The following EPHB4 variants were observed in gnomAD, a reference collection of about 807,000 sequenced individuals.
The protein encoded by EPHB4 is EPH receptor B4, also known as ephrin type-B receptor 4.
EPHB4 carries 50 observed loss-of-function variants against 110.6 expected under a neutral mutation model. The observed-to-expected ratio is 0.45, with a 90% CI of 0.36 to 0.57. EPHB4 has a LOEUF of 0.57. Ranked by LOEUF, EPHB4 falls within the 20% of genes least tolerant of loss-of-function variation. The pLI is 0.00. For missense variants in EPHB4, 1,128 were observed against 1,382.1 expected (o/e 0.82, Z 2.91); for synonymous variants, 592 against 578.4 (o/e 1.02, Z -0.34).
intron 1 of EPHB4, among the ~76,000 whole-genome samples, chr7:100,826,297 A>G (rs1813394350): frequency 6.6e-6 from 1 of 151,932 alleles, no homozygotes; most frequent in African/African-American, 2.4e-5. Flanking sequence ...GGGGCTGTGT[A>G]GGTCAGTTTC....
intron 16 of EPHB4, among the ~76,000 whole-genome samples, chr7:100,804,612 G>A (rs2116410838): frequency 6.6e-6 from 1 of 152,262 alleles, no homozygotes; most frequent in South Asian, 2.1e-4. Flanking sequence ...ACCATGCCCG[G>A]CCTTCAGATT....
chr7:100,826,927 G>A, intron 1 of EPHB4, 52 bp downstream of exon 1: 4 of 1,536,354 alleles, frequency 2.6e-6, no homozygotes, highest in Non-Finnish European at 1.8e-6. Flanking sequence ...CAGATGTTGG[G>A]GGGGAGGTCC....
In EPHB4 at chr7:100,822,394, G is replaced by A. The variant is rs1226689308; in HGVS notation, c.685C>T (p.Pro229Ser). The A allele has an allele frequency of 6.3e-7, 1 of 1,576,212 alleles. No homozygotes were observed. The highest frequency in any genetic ancestry group is 8.6e-7 in the Non-Finnish European group (1 of 1,159,632). The change falls in exon 4 of 17, where the codon CCC becomes TCC. Residue 229 changes from proline (P) to serine (S), a missense_variant. Pro to Ser is a moderately conservative substitution (Grantham distance 74, BLOSUM62 -1). Transcript: ENST00000358173. The surrounding 1 kb of genome is among the most constrained non-coding windows in gnomAD (Gnocchi z 4.7). Reference protein sequence around the residue: ...VAGSCVVDAVPAPGPSPSLYC... With the variant: ...VAGSCVVDAVSAPGPSPSLYC... ...AGGCTGGGGCTGGGGCCAGGGGCGG[G>A]GACGGCATCCACCACGCAGCTACCG...
Position 100,807,441 on chromosome 7 carries a change from A to G in EPHB4, c.2258T>C (p.Val753Ala), listed in dbSNP as rs1562967513. The change falls in exon 13 of 17, where the codon GTC (valine) becomes GCC (alanine). Residue 753 changes from valine (V) to alanine (A), a missense_variant. Val to Ala is a moderately conservative substitution (Grantham distance 64). Transcript: ENST00000358173. The part of the protein sequence containing the change: ...ARNILVNSNL[V>A]CKVSDFGLSR... ...AAGGCCAAAGTCAGACACTTTGCAG[A>G]CGAGGTTGCTGTTGACTAGGATGTT... is the stretch of plus-strand genomic sequence containing the variant. The G allele has an allele frequency of 1.2e-6, 2 of 1,613,524 alleles. No homozygotes were observed. Among genetic ancestry groups the G allele is most frequent in the South Asian group, 2.2e-5 (2 of 91,082 alleles).
Position 100,822,128 on chromosome 7 carries a change from C to G in EPHB4, c.808+143G>C. On this transcript the variant is annotated intron_variant, in intron 4 of 16. Transcript: ENST00000358173. This position sits in a 1 kb window ranked among gnomAD's most constrained non-coding sequence, Gnocchi z 4.7. ...TTGCAGTTGAGCAGAGATTGTGCCA[C>G]TGCACTCCAGCCTGGGTGACAGAGC... 8.1e-7 allele frequency: 1 copy of G among 1,233,146 alleles called. No individual in the cohort carries two copies. The highest frequency in any genetic ancestry group is 1.1e-6 in the Non-Finnish European group (1 of 915,786). 76.4% of individuals were successfully genotyped at this position (1,233,146 alleles called of 1,614,324 possible).
intron 12 of EPHB4, 134 bp downstream of exon 12, chr7:100,812,613 A>G (rs1294795690): frequency 3.9e-6 from 5 of 1,275,782 alleles, no homozygotes; most frequent in Admixed American, 5.5e-5. Flanking sequence ...GCAGAGGACC[A>G]GGGCTTAGCC....
rs889890364 is a variant in EPHB4, at chr7:100,822,285, T to C, written c.794A>G (p.Asn265Ser). 14 of 1,562,298 alleles carry C rather than the reference T, an allele frequency of 9.0e-6. No individual in the cohort carries two copies. The African/African-American group carries it at 1.6e-4, about 18-fold the overall frequency. The part of the protein sequence containing the change: ...CAPGFEAAEG[N>S]TKCRACAQGT... ...CCAGCTCTCACCTCGGCACTTGGTG[T>C]TCCCCTCAGCTGCCTCGAACCCCGG... Residue 265 changes from asparagine (N) to serine (S), a missense_variant, in exon 4 of 17, where the codon AAC becomes AGC. Physicochemically the swap from Asn to Ser is conservative, Grantham distance 46 (BLOSUM62 1). This residue lies in a region of EPHB4 where 728 missense variants were observed against 828.6 expected (regional missense o/e 0.88). Transcript: ENST00000358173. This position sits in a 1 kb window ranked among gnomAD's most constrained non-coding sequence, Gnocchi z 4.7.
Position 100,813,662 on chromosome 7 carries a change from G to T in EPHB4, c.1746C>A (p.Leu582=). 1 of 1,614,090 alleles carries T rather than the reference G, an allele frequency of 6.2e-7. No individual in the cohort carries two copies. The highest frequency in any genetic ancestry group is 1.1e-5 in the South Asian group (1 of 91,072). ...AEYSDKHGQY[L]IGHGTKVYID... is the part of the protein sequence containing the mutation. ...ATTAGGGCAACCCACCATGTCCGAT[G>T]AGATACTGTCCGTGTTTGTCCGAAT... Residue 582 remains leucine (L), a synonymous_variant, in exon 10 of 17, where the codon CTC becomes CTA. Transcript: ENST00000358173.
chr7:100,814,053 A>C (rs1157674783), intron 8 of EPHB4, 32 bp from the exon 9 acceptor site: 3 of 1,610,486 alleles, frequency 1.9e-6, no homozygotes, highest in Non-Finnish European at 2.5e-6. Flanking sequence ...ATCAGGAGAA[A>C]CTGATGGTCC....
intron 1 of EPHB4, 116 bp downstream of exon 1, chr7:100,826,863 G>A (rs1161845115): frequency 5.0e-6 from 6 of 1,205,844 alleles, no homozygotes; most frequent in Non-Finnish European, 6.8e-6. Flanking sequence ...AAGTGTTTGG[G>A]ACTGCAGTGC....
intron 1 of EPHB4, among the ~76,000 whole-genome samples, chr7:100,826,566 G>A (rs1034361623): frequency 2.7e-4 from 41 of 152,098 alleles, no homozygotes; most frequent in African/African-American, 9.9e-4. Context: ...GGCCTAGCAC[G>A]AAAAGTTGTG....
intron 9 of EPHB4, 101 bp from the exon 10 acceptor site, chr7:100,813,817 A>G (rs1813003826): frequency 1.9e-6 from 3 of 1,604,846 alleles, no homozygotes; most frequent in Non-Finnish European, 2.6e-6. Context: ...GATTTCAAGT[A>G]AAAAGAGGCT....
At chr7:100,813,760 A>G (rs368565029) in intron 9 of EPHB4, 44 bp from the exon 10 acceptor site, 27 of 1,613,174 alleles carry the variant, frequency 1.7e-5, no homozygotes, top group Non-Finnish European at 2.3e-5. Context: ...TGAGTCACAC[A>G]TCTTTATGAG....
chr7:100,824,173 A>G (rs1432694026), intron 2 of EPHB4, 30 bp downstream of exon 2: 12 of 1,613,908 alleles, frequency 7.4e-6, no homozygotes, highest in Non-Finnish European at 1.0e-5. Flanking sequence ...GTTTCCCTCC[A>G]GAGCTCCAGC....
intron 12 of EPHB4, 101 bp from the exon 13 acceptor site, chr7:100,807,681 GC>G: frequency 1.6e-6 from 2 of 1,277,620 alleles, no homozygotes; most frequent in Non-Finnish European, 2.2e-6. Context: ...TTGTTCTGTC[GC>G]CCAGGCTGGA....
At chr7:100,818,730 TC>T (rs766777443) in intron 6 of EPHB4, 86 bp from the exon 7 acceptor site, 208 of 1,461,048 alleles carry the variant, frequency 1.4e-4, no homozygotes, top group Admixed American at 4.5e-4. Context: ...CGAGACGGAG[TC>T]GTGCTCTATC....
At position 100,817,292 on chromosome 7, in the gene EPHB4, C is replaced by A. The variant is rs747173949; in HGVS notation, c.1488G>T (p.Gly496=). The A allele has an allele frequency of 1.9e-6, 3 of 1,596,684 alleles. No homozygotes were observed. The highest frequency in any genetic ancestry group is 1.7e-6 in the Non-Finnish European group (2 of 1,172,690). ...KTSENRAELR[G]LKRGASYLVQ... Reference sequence around the variant, plus strand: ...CCAGGTAGCTGGCTCCCCGCTTCAGCCCCCGCAGCTCTGCCCGGTTTTCTG... The same window carrying A: ...CCAGGTAGCTGGCTCCCCGCTTCAGACCCCGCAGCTCTGCCCGGTTTTCTG... The change falls in exon 8 of 17, where the codon GGG becomes GGT. Residue 496 remains glycine, a synonymous_variant. Transcript: ENST00000358173.
At chr7:100,804,681 C>T (rs537452911) in intron 16 of EPHB4, among the ~76,000 whole-genome samples, 25 of 152,010 alleles carry the variant, frequency 1.6e-4, no homozygotes, top group Admixed American at 9.8e-4. Context: ...GGGAGAGGAA[C>T]GGGAAGGCAG....
Position 100,817,228 on chromosome 7 carries a change from A to T in EPHB4, c.1552T>A (p.Phe518Ile). The T allele has an allele frequency of 6.3e-7, 1 of 1,591,826 alleles. No individual in the cohort carries two copies. ...GTCTGGCTGTGATGTTCCTGGCCGAAGGGCCCGTAGCCGGCCTCAGAGCGC... is the reference window on the plus strand; with the variant it reads ...GTCTGGCTGTGATGTTCCTGGCCGATGGGCCCGTAGCCGGCCTCAGAGCGC... ...RARSEAGYGP[F>I]GQEHHSQTQL... Residue 518 changes from phenylalanine to isoleucine, a missense_variant, in exon 8 of 17, where the codon TTC becomes ATC. Physicochemically the swap from Phe to Ile is conservative, Grantham distance 21. This residue lies in a region of EPHB4 where 728 missense variants were observed against 828.6 expected (regional missense o/e 0.88). Coordinates refer to ENST00000358173, the MANE Select transcript of EPHB4 (RefSeq NM_004444.5).
Sources: gnomAD v4.1 joint callset for allele counts (sites outside exome capture counted in the v4.1 genomes callset) on GRCh38, gnomAD v4.1.1 for gene constraint, gnomAD v4.1.1 regional missense constraint, Gnocchi (gnomAD v3.1) non-coding constraint, MANE v1.5 for transcripts, NCBI Gene and HGNC (gene_info 2026-07-23, HGNC 2026-07-21) for gene names.